Variants in MAD1L1 observed in about 807,000 individuals in gnomAD.
MAD1L1 encodes mitotic arrest deficient 1 like 1, also known as mitotic spindle assembly checkpoint protein MAD1.
Under a neutral mutation model 96.9 loss-of-function variants are expected in MAD1L1, and 95 were observed. The ratio of observed to expected loss-of-function variants is 0.98; its 90% confidence interval spans 0.83 to 1.16. MAD1L1 has a LOEUF of 1.16. Ranked by LOEUF, MAD1L1 falls within the 50% of genes most tolerant of loss-of-function variation. The pLI is 0.00. For synonymous variants in MAD1L1, 473 were observed against 396.6 expected, an observed-to-expected ratio of 1.19 and a Z score of -2.29; for missense variants, 1,007 against 954.4, an observed-to-expected ratio of 1.06 and a Z score of -0.73.
intron 12 of MAD1L1, among the ~76,000 whole-genome samples, chr7:2,041,756 C>T (rs138768086): frequency 2.6e-5 from 4 of 152,280 alleles, no homozygotes; most frequent in African/African-American, 4.8e-5. Flanking sequence ...TCTCTTTGCC[C>T]GAGAGGAGTA....
chr7:2,142,751 C>T lies in MAD1L1; in HGVS notation c.1073+6401G>A, dbSNP rs1190855010. On this transcript the variant is annotated intron_variant, in intron 11 of 18. Coordinates refer to ENST00000265854, the MANE Select transcript of MAD1L1 (RefSeq NM_001013836.2). The surrounding 1 kb of genome is among the most constrained non-coding windows in gnomAD (Gnocchi z 4.7). ...CAACAAGGCCTCTGGCCATGTCAAA[C>T]CCCAGGGGCCCCCTTATGCCGAGAG... Among the ~76,000 whole-genome samples the T allele has an allele frequency of 6.6e-6, 1 of 152,254 alleles. No homozygotes were observed. Among genetic ancestry groups the T allele is most frequent in the African/African-American group, 2.4e-5 (1 of 41,462 alleles).
At chr7:2,081,097 G>T (rs1584272597) in intron 11 of MAD1L1, among the ~76,000 whole-genome samples, 1 of 152,194 alleles carries the variant, frequency 6.6e-6, no homozygotes, top group African/African-American at 2.4e-5. Flanking sequence ...CCAGGAGCCA[G>T]GCCAGGAACC....
chr7:1,922,253 G>A (rs1788839564), intron 17 of MAD1L1, among the ~76,000 whole-genome samples: 1 of 152,248 alleles, frequency 6.6e-6, no homozygotes, highest in African/African-American at 2.4e-5. Context: ...TTACTGCGCT[G>A]CACCCCACGA....
At chr7:1,934,892 G>A (rs1188142490) in intron 17 of MAD1L1, among the ~76,000 whole-genome samples, 18 of 138,308 alleles carry the variant, frequency 1.3e-4, no homozygotes, top group South Asian at 2.4e-4. Flanking sequence ...AACCCGAGAC[G>A]GGCAGAGACC....
At chr7:2,176,910 G>A (rs1258772832) in intron 10 of MAD1L1, among the ~76,000 whole-genome samples, 5 of 152,124 alleles carry the variant, frequency 3.3e-5, no homozygotes, top group Non-Finnish European at 7.4e-5. Flanking sequence ...AAAAACATAC[G>A]CTAGTAATAA....
intron 10 of MAD1L1, among the ~76,000 whole-genome samples, chr7:2,172,376 C>T (rs1324088917): frequency 6.6e-6 from 1 of 152,182 alleles, no homozygotes; most frequent in Non-Finnish European, 1.5e-5. Flanking sequence ...TCTCGTCTGA[C>T]TCTCGCCCCT....
At chr7:2,191,888 G>A (rs907462673) in intron 10 of MAD1L1, among the ~76,000 whole-genome samples, 6 of 151,898 alleles carry the variant, frequency 4.0e-5, no homozygotes, top group Non-Finnish European at 7.4e-5. Flanking sequence ...AAAACTAGCC[G>A]GGCGCAGTGG....
rs1786928788 is a variant in MAD1L1 at position 2,103,553 on chromosome 7, G to T, written c.1074-34215C>A. Among the ~76,000 whole-genome samples, 1 of 152,164 alleles carries T rather than the reference G, an allele frequency of 6.6e-6. No homozygotes were observed. Among genetic ancestry groups the T allele is most frequent in the African/African-American group, 2.4e-5 (1 of 41,450 alleles). On this transcript the variant is annotated intron_variant, in intron 11 of 18. Coordinates refer to ENST00000265854, the MANE Select transcript of MAD1L1 (RefSeq NM_001013836.2). This position sits in a 1 kb window ranked among gnomAD's most constrained non-coding sequence, Gnocchi z 4.3. ...TTTGTTGGGCGGGGCAACCGCAGAT[G>T]GGCCAGCACTGGGGCAAAGCCCACC...
chr7:2,199,854 A>G (rs73041326), intron 10 of MAD1L1, among the ~76,000 whole-genome samples: 4,367 of 152,350 alleles, frequency 0.029, 111 homozygotes, highest in South Asian at 0.084. Context: ...GCTGGCCAGC[A>G]GGGCCCACAC....
chr7:2,218,391 G>T (rs1425455186), intron 6 of MAD1L1, among the ~76,000 whole-genome samples: 1 of 152,204 alleles, frequency 6.6e-6, no homozygotes, highest in Non-Finnish European at 1.5e-5. Context: ...AGCTGCGGTA[G>T]GGCCCCACCC....
chr7:2,058,134 G>A (rs1333483913), intron 12 of MAD1L1, among the ~76,000 whole-genome samples: 1 of 83,242 alleles, frequency 1.2e-5, no homozygotes, highest in African/African-American at 5.8e-5. Context: ...GCGCGGGGCT[G>A]GAGAGGGAGT....
At position 2,050,805 on chromosome 7, in the gene MAD1L1, C is replaced by T. The variant is rs1247792284; in HGVS notation, c.1218+18389G>A. Among the ~76,000 whole-genome samples the T allele has an allele frequency of 3.3e-5, 5 of 152,150 alleles. No individual in the cohort carries two copies. In the East Asian group the frequency reaches 5.8e-4, roughly 18 times the overall value. ...CAGGCCAGGAGCAAACACACCTGTG[C>T]GGAACGGCCAGGTGAGGCTGGCTGT... On this transcript the variant is annotated intron_variant, in intron 12 of 18. Coordinates refer to ENST00000265854, the MANE Select transcript of MAD1L1 (RefSeq NM_001013836.2).
At chr7:1,956,523 C>T (rs996974330) in intron 16 of MAD1L1, among the ~76,000 whole-genome samples, 6 of 152,242 alleles carry the variant, frequency 3.9e-5, no homozygotes, top group East Asian at 1.9e-4. Context: ...AATGGCCACA[C>T]TGGCCACACT....
intron 2 of MAD1L1, 125 bp from the exon 3 acceptor site, chr7:2,230,268 G>C (rs1017855492): frequency 1.6e-6 from 1 of 637,094 alleles, no homozygotes; most frequent in African/African-American, 1.8e-5. Flanking sequence ...ATACACCCAT[G>C]CCTGTAACCA....
At position 2,144,365 on chromosome 7, in the gene MAD1L1, G is replaced by A. The variant is rs181558297; in HGVS notation, c.1073+4787C>T. Among the ~76,000 whole-genome samples, 41 of 152,332 alleles carry A rather than the reference G, an allele frequency of 2.7e-4. 1 individual carries two copies. Among genetic ancestry groups the A allele is most frequent in the Non-Finnish European group, 5.1e-4 (35 of 68,032 alleles). On this transcript the variant is annotated intron_variant, in intron 11 of 18. Coordinates refer to ENST00000265854, the MANE Select transcript of MAD1L1 (RefSeq NM_001013836.2). Reference sequence around the variant, plus strand: ...ATTACAGATGATACACCTGAACCCTGGAGCCCTCACGGGGTCCTGAGAGGC... The same window carrying A: ...ATTACAGATGATACACCTGAACCCTAGAGCCCTCACGGGGTCCTGAGAGGC...
chr7:2,109,822 G>A (rs1315153642), intron 11 of MAD1L1, among the ~76,000 whole-genome samples: 2 of 152,182 alleles, frequency 1.3e-5, no homozygotes, highest in East Asian at 3.8e-4. Flanking sequence ...ATGTAATTTA[G>A]GAATTAAGAT....
At chr7:1,969,149 C>T (rs534788948) in intron 15 of MAD1L1, among the ~76,000 whole-genome samples, 30 of 152,192 alleles carry the variant, frequency 2.0e-4, no homozygotes, top group Non-Finnish European at 3.5e-4. Flanking sequence ...TTTGGGAGGC[C>T]GAGGTGAGTG....
intron 18 of MAD1L1, among the ~76,000 whole-genome samples, chr7:1,841,055 A>T (rs1783228092): frequency 6.6e-6 from 1 of 152,136 alleles, no homozygotes; most frequent in Admixed American, 6.6e-5. Flanking sequence ...ATTAGATGTG[A>T]CCAAGGCCGC....
At chr7:1,926,737 G>A (rs1789112916) in intron 17 of MAD1L1, among the ~76,000 whole-genome samples, 2 of 152,174 alleles carry the variant, frequency 1.3e-5, no homozygotes, top group African/African-American at 4.8e-5. Context: ...TTTTCAGCTT[G>A]ATAAGGAAAA....
Sources: gnomAD v4.1 joint callset for allele counts (sites outside exome capture counted in the v4.1 genomes callset) on GRCh38, gnomAD v4.1.1 for gene constraint, Gnocchi (gnomAD v3.1) non-coding constraint, MANE v1.5 for transcripts, NCBI Gene and HGNC (gene_info 2026-07-23, HGNC 2026-07-21) for gene names.